SNX19: variants seen among roughly 807,000 people sequenced by gnomAD.
SNX19 encodes the protein sorting nexin 19, also known as sorting nexin-19.
SNX19 carries 60 observed loss-of-function variants against 85.2 expected under a neutral mutation model. The ratio of observed to expected loss-of-function variants is 0.70; its 90% CI spans 0.57 to 0.87. The LOEUF is 0.87. Among genes scored for constraint, SNX19 ranks in the 40% least tolerant of loss-of-function variants. SNX19 has a pLI of 0.00. For missense variants in SNX19, 1,201 were observed against 1,217.8 expected, an observed-to-expected ratio of 0.99 and a Z score of 0.21; for synonymous variants, 520 against 470.0, an observed-to-expected ratio of 1.11 and a Z score of -1.38.
intron 8 of SNX19, among the ~76,000 whole-genome samples, chr11:130,883,675 C>T (rs1943849620): frequency 6.6e-6 from 1 of 152,202 alleles, no homozygotes; most frequent in Non-Finnish European, 1.5e-5. Flanking sequence ...ACCCTTCCCC[C>T]TGTCAGCAAA....
At chr11:130,899,575 G>A (rs941435218) in intron 8 of SNX19, among the ~76,000 whole-genome samples, 2 of 152,222 alleles carry the variant, frequency 1.3e-5, no homozygotes, top group African/African-American at 4.8e-5. Context: ...CTTGGGTGAG[G>A]AGACTGCTAA....
chr11:130,888,758 T>C (rs190931457), intron 8 of SNX19, among the ~76,000 whole-genome samples: 94 of 152,364 alleles, frequency 6.2e-4, no homozygotes, highest in African/African-American at 2.2e-3. Context: ...CTTAGGTCTT[T>C]AATGTTAAAT....
chr11:130,913,389 C>A (rs1329196934), intron 1 of SNX19, among the ~76,000 whole-genome samples: 1 of 152,206 alleles, frequency 6.6e-6, no homozygotes, highest in Non-Finnish European at 1.5e-5. Context: ...TGTGTGTTCA[C>A]CCATATGCAT....
intron 8 of SNX19, 34 bp downstream of exon 8, chr11:130,903,221 G>T: frequency 1.2e-6 from 2 of 1,612,290 alleles, no homozygotes; most frequent in Non-Finnish European, 1.7e-6. Flanking sequence ...TGCAACTTGA[G>T]ATTCTGATGT....
At position 130,875,557 on chromosome 11, in the gene SNX19, C is replaced by G. The variant is rs1292206838; in HGVS notation, c.*2865G>C. The G allele has an allele frequency of 1.3e-5, 2 of 152,096 alleles. No individual in the cohort carries two copies. Among genetic ancestry groups the G allele is most frequent in the East Asian group, 3.8e-4 (2 of 5,202 alleles). 9.4% of individuals were successfully genotyped at this position (152,096 alleles called of 1,614,324 possible). Reference sequence around the variant, plus strand: ...AACAATAAGAAAATCACCTTGTAAACTGGAAATTTCCAAAATGGAAATTGG... The same window carrying G: ...AACAATAAGAAAATCACCTTGTAAAGTGGAAATTTCCAAAATGGAAATTGG... On this transcript the variant is annotated 3_prime_UTR_variant, in exon 11 of 11. Coordinates refer to ENST00000265909, the MANE Select transcript of SNX19 (RefSeq NM_014758.3).
At chr11:130,890,098 C>T (rs1230446816) in intron 8 of SNX19, among the ~76,000 whole-genome samples, 4 of 152,106 alleles carry the variant, frequency 2.6e-5, no homozygotes, top group Non-Finnish European at 5.9e-5. Context: ...CCCCAATATG[C>T]TGTTCAGAAA....
intron 8 of SNX19, among the ~76,000 whole-genome samples, chr11:130,897,924 T>A (rs1350956348): frequency 6.6e-6 from 1 of 152,150 alleles, no homozygotes; most frequent in East Asian, 1.9e-4. Context: ...TCTTGTTACA[T>A]AATTGGATGT....
rs1336236841 is a variant in SNX19, at chr11:130,878,228, AC to A, written c.*193del. Reference sequence around the variant, plus strand: ...CATCACAAAAGGAACAGGGAAATAAACGTGCATACAACTGGGACACACAGAC... The same window carrying A: ...CATCACAAAAGGAACAGGGAAATAAAGTGCATACAACTGGGACACACAGAC... On this transcript the variant is annotated 3_prime_UTR_variant, in exon 11 of 11. Coordinates refer to ENST00000265909, the MANE Select transcript of SNX19 (RefSeq NM_014758.3). The A allele has an allele frequency of 4.2e-6, 2 of 481,832 alleles. No homozygotes were observed. The highest frequency in any genetic ancestry group is 7.3e-6 in the Non-Finnish European group (2 of 273,980). The allele number at this position is 481,832 out of a possible 1,614,324, so 29.8% of individuals were successfully genotyped here.
rs1212059894 is a variant in SNX19, at chr11:130,875,304, A to G, written c.*3118T>C. ...TTATATGAGGCGTTCAAAGTAGTCA[A>G]ACTCACAGAAGCAGAAAGTAGAACA... On this transcript the variant is annotated 3_prime_UTR_variant, in exon 11 of 11. Transcript: ENST00000265909. 1 of 152,454 alleles carries G rather than the reference A, an allele frequency of 6.6e-6. No individual in the cohort carries two copies. Among genetic ancestry groups the G allele is most frequent in the Non-Finnish European group, 1.5e-5 (1 of 68,198 alleles). 9.4% of individuals were successfully genotyped at this position (152,454 alleles called of 1,614,324 possible).
At chr11:130,911,804 G>C (rs1447271420) in intron 1 of SNX19, 33 bp from the exon 2 acceptor site, 1 of 1,604,410 alleles carries the variant, frequency 6.2e-7, no homozygotes, top group African/African-American at 1.3e-5. Context: ...GACTCAATCA[G>C]CCGGGTTTCA....
At chr11:130,897,431 C>T (rs905613206) in intron 8 of SNX19, among the ~76,000 whole-genome samples, 6 of 152,122 alleles carry the variant, frequency 3.9e-5, no homozygotes, top group East Asian at 1.9e-4. Flanking sequence ...GAAATCCTGA[C>T]GCAGATGCCA....
At chr11:130,903,226 T>C in intron 8 of SNX19, 29 bp downstream of exon 8, 1 of 1,612,804 alleles carries the variant, frequency 6.2e-7, no homozygotes, top group Non-Finnish European at 8.5e-7. Context: ...CTTGAGATTC[T>C]GATGTGAGGG....
At chr11:130,906,919 A>T (rs532844163) in intron 5 of SNX19, among the ~76,000 whole-genome samples, 198 bp from the exon 6 acceptor site, 1 of 152,236 alleles carries the variant, frequency 6.6e-6, no homozygotes, top group African/African-American at 2.4e-5. Context: ...TTCTTGATAG[A>T]TAATGTTAAC....
intron 4 of SNX19, chr11:130,908,406 T>A: frequency 5.4e-6 from 1 of 185,590 alleles, no homozygotes; most frequent in Non-Finnish European, 1.1e-5. Context: ...TCTTTCTTTT[T>A]AAGTAAAAAG....
chr11:130,899,034 T>C (rs993873427), intron 8 of SNX19, among the ~76,000 whole-genome samples: 1 of 152,236 alleles, frequency 6.6e-6, no homozygotes, highest in African/African-American at 2.4e-5. Context: ...TAACCCACAT[T>C]CTTTGTAAAC....
At position 130,875,596 on chromosome 11, in the gene SNX19, G is replaced by C. The variant is rs932162235; in HGVS notation, c.*2826C>G. ...AATGGAAATTGGAGTAGCTTGTATT[G>C]ATTTTAAAATTTATACATGCTCTCA... On this transcript the variant is annotated 3_prime_UTR_variant, in exon 11 of 11. Transcript: ENST00000265909. 1.3e-5 allele frequency: 2 copies of C among 150,702 alleles called. No homozygotes were observed. Among genetic ancestry groups the C allele is most frequent in the African/African-American group, 4.9e-5 (2 of 41,146 alleles). The allele number at this position is 150,702 out of a possible 1,614,324, so 9.3% of individuals were successfully genotyped here. A position where few individuals can be genotyped will look rare whatever the true frequency, so the allele number is the denominator to read the frequency against.
At chr11:130,905,533 A>G in intron 7 of SNX19, 3 of 670,342 alleles carry the variant, frequency 4.5e-6, no homozygotes, top group Non-Finnish European at 7.0e-6. Flanking sequence ...CCAAAAATCA[A>G]GCTCTGGCAG....
Position 130,903,367 on chromosome 11 carries a change from C to G in SNX19, c.2461G>C (p.Ala821Pro), listed in dbSNP as rs1360019605. Residue 821 changes from alanine to proline, a missense_variant, in exon 8 of 11, where the codon GCT becomes CCT. Coordinates refer to ENST00000265909, the MANE Select transcript of SNX19 (RefSeq NM_014758.3). ...NSDPGTETEL[A>P]DTALDLLLLL... ...AGGAGCAGATCCAGGGCTGTGTCAG[C>G]TAACTCTGTCTCTGTTCCTGAGGGA... 1 of 1,612,540 alleles carries G rather than the reference C, an allele frequency of 6.2e-7. No homozygotes were observed. Among genetic ancestry groups the G allele is most frequent in the South Asian group, 1.1e-5 (1 of 90,978 alleles).
At chr11:130,882,782 C>A (rs966638411) in intron 8 of SNX19, among the ~76,000 whole-genome samples, 1 of 152,162 alleles carries the variant, frequency 6.6e-6, no homozygotes, top group South Asian at 2.1e-4. Flanking sequence ...CCCAAGGTCT[C>A]CTTTCTTCAC....
Sources: allele counts gnomAD v4.1 joint callset (sites outside exome capture counted in the v4.1 genomes callset), GRCh38; gene constraint gnomAD v4.1.1; transcripts MANE v1.5; gene names NCBI Gene and HGNC (gene_info 2026-07-23, HGNC 2026-07-21).